OR2L13: variants seen among roughly 807,000 people sequenced by gnomAD.
OR2L13 encodes the protein olfactory receptor 2L13.
OR2L13 carries 14 observed loss-of-function variants against 15.3 expected under a neutral mutation model. The observed-to-expected ratio is 0.91, with a 90% confidence interval of 0.60 to 1.43. The LOEUF is 1.43. Ranked by LOEUF, OR2L13 falls within the 40% of genes most tolerant of loss-of-function variation. OR2L13 has a pLI of 0.00. For synonymous variants in OR2L13, 152 were observed against 142.9 expected (o/e 1.06, Z -0.45); for missense variants, 367 against 387.9 (o/e 0.95, Z 0.45).
chr1:248,039,213 G>A, the OR2L13 span: 13 of 1,598,304 alleles, frequency 8.1e-6, no homozygotes, highest in South Asian at 5.7e-5. Context: ...GTAGACATAC[G>A]TTCTGTGTTA....
At chr1:247,994,193 G>A in the OR2L13 span, among the ~76,000 whole-genome samples, 2 of 152,060 alleles carry the variant, frequency 1.3e-5, no homozygotes, top group Non-Finnish European at 2.9e-5. Context: ...TCAGGAGATC[G>A]AGACCATCCT....
chr1:248,010,122 C>T, the OR2L13 span, among the ~76,000 whole-genome samples: 39 of 152,258 alleles, frequency 2.6e-4, no homozygotes, highest in South Asian at 7.9e-3. Context: ...AGGATGCCCT[C>T]TCTCACCACT....
chr1:247,990,966 G>A, the OR2L13 span: 26 of 1,483,914 alleles, frequency 1.8e-5, no homozygotes, highest in Non-Finnish European at 2.4e-5. Flanking sequence ...CAGAAGGGAG[G>A]AAGAAGGCCT....
At chr1:247,951,549 AT>A in the OR2L13 span, among the ~76,000 whole-genome samples, 1 of 152,158 alleles carries the variant, frequency 6.6e-6, no homozygotes, top group Non-Finnish European at 1.5e-5. Context: ...CTTTAACATC[AT>A]TTCTATTTCT....
chr1:248,078,685 C>T, the OR2L13 span, among the ~76,000 whole-genome samples: 9 of 151,978 alleles, frequency 5.9e-5, no homozygotes, highest in Non-Finnish European at 1.2e-4. Context: ...TAGCTATGGA[C>T]CTTCACTTGT....
At chr1:247,991,201 A>G in the OR2L13 span, 10 of 1,570,704 alleles carry the variant, frequency 6.4e-6, no homozygotes, top group East Asian at 1.1e-4. Context: ...TTCAGTGAAA[A>G]TATAGACATA....
chr1:248,061,258 G>A, the OR2L13 span: 2 of 1,609,658 alleles, frequency 1.2e-6, no homozygotes, highest in Non-Finnish European at 1.7e-6. Flanking sequence ...GGACACCTGG[G>A]TCTATGAGGG....
At chr1:248,086,810 A>G in the OR2L13 span, among the ~76,000 whole-genome samples, 1 of 151,720 alleles carries the variant, frequency 6.6e-6, no homozygotes, top group South Asian at 2.1e-4. Flanking sequence ...ATACTTTTGT[A>G]TTTTTATGTA....
chr1:248,067,742 C>T, the OR2L13 span, among the ~76,000 whole-genome samples: 8,111 of 152,266 alleles, frequency 0.053, 730 homozygotes, highest in African/African-American at 0.19. Flanking sequence ...CTTTCCTAGT[C>T]GAAGAAAGGG....
At chr1:248,040,939 A>G in the OR2L13 span, 1 of 152,222 alleles carries the variant, frequency 6.6e-6, no homozygotes, top group Non-Finnish European at 1.5e-5. Flanking sequence ...AAGCATTTAG[A>G]GTTTACTAGA....
the OR2L13 span, among the ~76,000 whole-genome samples, chr1:247,999,588 G>GTC: frequency 6.6e-6 from 1 of 152,152 alleles, no homozygotes; most frequent in Non-Finnish European, 1.5e-5. Flanking sequence ...TATGTACTGT[G>GTC]TCTCTTCTTA....
At chr1:248,039,246 T>G in the OR2L13 span, 1 of 1,560,102 alleles carries the variant, frequency 6.4e-7, no homozygotes, top group East Asian at 2.2e-5. Flanking sequence ...TAGGTTCATA[T>G]CAACTTAGTA....
At chr1:248,071,759 G>C in the OR2L13 span, among the ~76,000 whole-genome samples, 6 of 149,290 alleles carry the variant, frequency 4.0e-5, no homozygotes, top group South Asian at 4.2e-4. Flanking sequence ...TCCTTAAGCT[G>C]ATAAGCAACT....
At chr1:248,000,109 CTT>C in the OR2L13 span, among the ~76,000 whole-genome samples, 18 of 123,856 alleles carry the variant, frequency 1.5e-4, no homozygotes, top group Non-Finnish European at 8.5e-5. Flanking sequence ...CTTTTTCTTT[CTT>C]TTTTTTTTTT....
At chr1:248,015,449 A>T in the OR2L13 span, among the ~76,000 whole-genome samples, 1,524 of 152,278 alleles carry the variant, frequency 0.01, 10 homozygotes, top group Middle Eastern at 0.02. Flanking sequence ...AGACATGCAG[A>T]TTCAGGTACA....
chr1:247,971,403 T>A, the OR2L13 span, among the ~76,000 whole-genome samples: 1 of 152,160 alleles, frequency 6.6e-6, no homozygotes, highest in Non-Finnish European at 1.5e-5. Flanking sequence ...AGCCTGCAGG[T>A]TGTGCTCTCG....
chr1:248,065,695 T>G, the OR2L13 span, among the ~76,000 whole-genome samples: 1 of 151,616 alleles, frequency 6.6e-6, no homozygotes. Flanking sequence ...TTTGGTTTTT[T>G]GTCCTTGCGA....
chr1:248,015,664 G>C, the OR2L13 span, among the ~76,000 whole-genome samples: 1 of 152,042 alleles, frequency 6.6e-6, no homozygotes, highest in East Asian at 1.9e-4. Flanking sequence ...CTAGATTTTT[G>C]CAAAATCTGG....
At chr1:248,021,280 G>C in the OR2L13 span, among the ~76,000 whole-genome samples, 5 of 152,126 alleles carry the variant, frequency 3.3e-5, no homozygotes, top group African/African-American at 1.2e-4. Flanking sequence ...TCTGGATAGA[G>C]AATACGATTT....
Sources: gnomAD v4.1 joint callset for allele counts (sites outside exome capture counted in the v4.1 genomes callset) on GRCh38, gnomAD v4.1.1 for gene constraint, MANE v1.5 for transcripts, NCBI Gene and HGNC (gene_info 2026-07-23, HGNC 2026-07-21) for gene names.